KLHL4: variants seen among roughly 807,000 people sequenced by gnomAD.
KLHL4 encodes the protein kelch like family member 4.
In KLHL4, 17 loss-of-function variants were observed where a neutral mutation model predicts 45.8. The ratio of observed to expected loss-of-function variants is 0.37; its 90% CI spans 0.25 to 0.56. The LOEUF is 0.56. KLHL4 is among the 20% of genes least tolerant of loss of function. The pLI is 0.79. For synonymous variants in KLHL4, 224 were observed against 189.9 expected, an observed-to-expected ratio of 1.18 and a Z score of -1.47; for missense variants, 544 against 544.9, an observed-to-expected ratio of 1.00 and a Z score of 0.02.
intron 1 of KLHL4, among the ~76,000 whole-genome samples, chrX:87,559,845 A>G (rs1932057939): frequency 9.0e-6 from 1 of 111,593 alleles, no homozygotes; most frequent in Non-Finnish European, 1.9e-5. Flanking sequence ...ATATCCAATA[A>G]GCCATAGATG....
At chrX:87,649,298 A>T (rs1024167726) in intron 9 of KLHL4, among the ~76,000 whole-genome samples, 7 of 111,723 alleles carry the variant, frequency 6.3e-5, no homozygotes, top group African/African-American at 2.3e-4. Context: ...TTATTTTATG[A>T]TTGTCATATC....
intron 9 of KLHL4, among the ~76,000 whole-genome samples, chrX:87,637,517 G>A (rs1167195825): frequency 9.0e-6 from 1 of 111,495 alleles, no homozygotes; most frequent in Non-Finnish European, 1.9e-5. Flanking sequence ...GAATTCAGAA[G>A]GTCAACTATT....
At chrX:87,577,985 G>GA (rs1240309795) in intron 1 of KLHL4, among the ~76,000 whole-genome samples, 4 of 111,160 alleles carry the variant, frequency 3.6e-5, no homozygotes, top group East Asian at 2.8e-4. Context: ...AATTATACTA[G>GA]AAAAAATCCT....
chrX:87,621,529 A>AAAT (rs1253335156), intron 4 of KLHL4, among the ~76,000 whole-genome samples: 2 of 109,016 alleles, frequency 1.8e-5, no homozygotes, highest in African/African-American at 6.6e-5. Flanking sequence ...CTACTAAAAA[A>AAAT]AAAAATACGA....
At chrX:87,564,647 C>T in intron 1 of KLHL4, among the ~76,000 whole-genome samples, 1 of 111,401 alleles carries the variant, frequency 9.0e-6, no homozygotes, top group Non-Finnish European at 1.9e-5. Flanking sequence ...ACATAGCTAA[C>T]AACACAGCAA....
At chrX:87,639,047 T>A (rs896501643) in intron 9 of KLHL4, among the ~76,000 whole-genome samples, 3 of 111,678 alleles carry the variant, frequency 2.7e-5, no homozygotes, top group Non-Finnish European at 5.7e-5. Flanking sequence ...GGAATAGCTA[T>A]TCTTATATCA....
In KLHL4 at chrX:87,635,704, C is replaced by T. The variant is rs374735744; in HGVS notation, c.1854C>T (p.Phe618=). ...TGGGAGTTGCCACATACAATGGATT[C>T]TTATATGTTGTAGGGGGGCATGATG... is the stretch of plus-strand genomic sequence containing the variant. The part of the protein sequence containing the change: ...GGVGVATYNG[F]LYVVGGHDAP... The change falls in exon 9 of 11, where the codon TTC becomes TTT. Residue 618 remains phenylalanine, a synonymous_variant. Transcript: ENST00000373119. 2.5e-6 allele frequency: 3 copies of T among 1,207,605 alleles called. No homozygotes were observed. Among genetic ancestry groups the T allele is most frequent in the African/African-American group, 3.5e-5 (2 of 57,316 alleles).
intron 1 of KLHL4, among the ~76,000 whole-genome samples, chrX:87,546,458 G>A (rs1262821416): frequency 8.9e-6 from 1 of 112,270 alleles, no homozygotes; most frequent in African/African-American, 3.2e-5. Context: ...AGGATGTATG[G>A]AAACACCTGG....
At chrX:87,555,588 G>A (rs1397763951) in intron 1 of KLHL4, among the ~76,000 whole-genome samples, 3 of 106,327 alleles carry the variant, frequency 2.8e-5, no homozygotes, top group Admixed American at 1.0e-4. Flanking sequence ...TTTTTATTGC[G>A]TCTATTTGAT....
Position 87,614,557 on chromosome X carries a change from G to A in KLHL4, c.714G>A (p.Gln238=), listed in dbSNP as rs751855180. Residue 238 remains glutamine, a synonymous_variant, in exon 3 of 11, where the codon CAG becomes CAA. Coordinates refer to ENST00000373119, the MANE Select transcript of KLHL4 (RefSeq NM_019117.5). ...VDPNALNSLV[Q]YAYTGVLQLK... is the part of the protein sequence containing the mutation. Reference sequence around the variant, plus strand: ...CAAATGCACTAAATTCCTTGGTGCAGTATGCTTACACAGGTAAGTGCCAAA... The same window carrying A: ...CAAATGCACTAAATTCCTTGGTGCAATATGCTTACACAGGTAAGTGCCAAA... 1.7e-6 allele frequency: 2 copies of A among 1,206,647 alleles called. No individual in the cohort carries two copies. Among genetic ancestry groups the A allele is most frequent in the Non-Finnish European group, 2.2e-6 (2 of 892,620 alleles).
intron 6 of KLHL4, among the ~76,000 whole-genome samples, chrX:87,627,176 A>AG (rs1442651903): frequency 9.0e-6 from 1 of 111,371 alleles, no homozygotes; most frequent in Admixed American, 9.6e-5. Flanking sequence ...ATTTGACCAG[A>AG]TGAGTGAGTA....
In KLHL4 at chrX:87,647,779, G is replaced by A. The variant is rs1303353329; in HGVS notation, c.1925+12004G>A. Among the ~76,000 whole-genome samples the A allele has an allele frequency of 5.4e-5, 6 of 111,125 alleles. No homozygotes were observed. The Admixed American group carries it at 5.8e-4, about 11-fold the overall frequency. ...AAAGTCTACACATTTGGTGATGGGT[G>A]CACCAAAATCTCAGAAATAACCACT... On this transcript the variant is annotated intron_variant, in intron 9 of 10. Coordinates refer to ENST00000373119, the MANE Select transcript of KLHL4 (RefSeq NM_019117.5).
chrX:87,588,633 T>TA (rs1049683676), intron 1 of KLHL4, among the ~76,000 whole-genome samples: 8 of 110,869 alleles, frequency 7.2e-5, no homozygotes, highest in Non-Finnish European at 1.1e-4. Context: ...CTCACCATAT[T>TA]AAAAAAAATC....
chrX:87,532,439 A>T (rs1379156639), intron 1 of KLHL4, among the ~76,000 whole-genome samples: 2 of 109,611 alleles, frequency 1.8e-5, no homozygotes, highest in Non-Finnish European at 3.8e-5. Flanking sequence ...TTCCATATGA[A>T]CTTTAAGGTA....
At chrX:87,613,778 C>T in intron 1 of KLHL4, 99 bp from the exon 2 acceptor site, 3 of 555,815 alleles carry the variant, frequency 5.4e-6, no homozygotes, top group Non-Finnish European at 5.2e-6. Context: ...GTTGGTATGC[C>T]TAAATTTCCA....
chrX:87,597,237 TCA>T (rs78134209), intron 1 of KLHL4, among the ~76,000 whole-genome samples: 21,139 of 110,926 alleles, frequency 0.19, 1,529 homozygotes, highest in South Asian at 0.25. Flanking sequence ...AAGTGATCAC[TCA>T]CTGTTAAGTG....
In KLHL4 at chrX:87,603,144, A is replaced by G. The variant is rs149280667; in HGVS notation, c.423-10733A>G. ...CACCAGTAATAATTTAATTGAGACT[A>G]CCTCTGTGTAACAAACAGTGAAGGA... On this transcript the variant is annotated intron_variant, in intron 1 of 10. Transcript: ENST00000373119. Among the ~76,000 whole-genome samples the G allele has an allele frequency of 8.2e-3, 912 of 111,537 alleles. 8 individuals carry two copies. Among genetic ancestry groups the G allele is most frequent in the African/African-American group, 0.028 (860 of 30,694 alleles).
intron 1 of KLHL4, among the ~76,000 whole-genome samples, chrX:87,544,170 G>A (rs1204492937): frequency 1.8e-5 from 2 of 110,899 alleles, no homozygotes; most frequent in African/African-American, 6.6e-5. Flanking sequence ...AGAGAACATT[G>A]GTGCTATTCT....
intron 5 of KLHL4, 140 bp downstream of exon 5, chrX:87,622,563 A>G: frequency 2.5e-6 from 1 of 394,540 alleles, no homozygotes; most frequent in Admixed American, 4.9e-5. Flanking sequence ...ACAGAAGAAC[A>G]TATTCAGCCA....
Sources: allele counts gnomAD v4.1 joint callset (sites outside exome capture counted in the v4.1 genomes callset), GRCh38; gene constraint gnomAD v4.1.1; transcripts MANE v1.5; gene names NCBI Gene and HGNC (gene_info 2026-07-23, HGNC 2026-07-21).